Variants in NBAS observed in about 807,000 individuals in gnomAD.
The protein encoded by NBAS is NBAS subunit of NRZ tethering complex.
Under a neutral mutation model 302.5 loss-of-function variants are expected in NBAS, and 219 were observed. The ratio of observed to expected loss-of-function variants is 0.72; its 90% CI spans 0.65 to 0.81. The LOEUF is 0.81. Among genes scored for constraint, NBAS ranks in the 30% least tolerant of loss-of-function variants. The pLI is 0.00. For missense variants in NBAS, 2,932 were observed against 2,841.6 expected, an observed-to-expected ratio of 1.03 and a Z score of -0.72; for synonymous variants, 1,118 against 1,021.6, an observed-to-expected ratio of 1.09 and a Z score of -1.80.
the NBAS span, among the ~76,000 whole-genome samples, chr2:14,860,061 C>A: frequency 5.3e-5 from 8 of 151,964 alleles, no homozygotes; most frequent in Admixed American, 4.6e-4. Context: ...AGAAGACACA[C>A]AAATGGCCAA....
intron 40 of NBAS, 91 bp downstream of exon 40, chr2:15,308,125 T>A (rs1362099338): frequency 1.7e-5 from 26 of 1,573,556 alleles, no homozygotes; most frequent in Non-Finnish European, 2.2e-5. Flanking sequence ...ACATATGTAA[T>A]CAGTTCCTCC....
At chr2:14,808,437 A>G in the NBAS span, among the ~76,000 whole-genome samples, 1 of 152,144 alleles carries the variant, frequency 6.6e-6, no homozygotes, top group Admixed American at 6.5e-5. Flanking sequence ...AAATCATTGA[A>G]TCCTGGGGGC....
intron 38 of NBAS, among the ~76,000 whole-genome samples, chr2:15,318,706 T>G (rs1285404257): frequency 6.6e-6 from 1 of 152,176 alleles, no homozygotes; most frequent in Non-Finnish European, 1.5e-5. Flanking sequence ...CTAACTATCC[T>G]AAATATATAT....
At chr2:14,913,031 C>A in the NBAS span, among the ~76,000 whole-genome samples, 1 of 152,236 alleles carries the variant, frequency 6.6e-6, no homozygotes, top group Non-Finnish European at 1.5e-5. Flanking sequence ...AACATTAAAC[C>A]TTTTACAAAA....
At chr2:15,559,999 CATG>C (rs1386635341) in intron 1 of NBAS, among the ~76,000 whole-genome samples, 2 of 152,018 alleles carry the variant, frequency 1.3e-5, no homozygotes, top group Admixed American at 1.3e-4. Flanking sequence ...ATAAATTATT[CATG>C]ATAAGCACAA....
chr2:15,534,481 C>G, intron 9 of NBAS, 62 bp downstream of exon 9: 1 of 1,184,814 alleles, frequency 8.4e-7, no homozygotes, highest in Non-Finnish European at 1.3e-6. Context: ...ATAGTTTCTT[C>G]TATCTGAATC....
the NBAS span, among the ~76,000 whole-genome samples, chr2:15,148,216 A>G: frequency 2.6e-5 from 4 of 152,174 alleles, no homozygotes; most frequent in Non-Finnish European, 5.9e-5. Flanking sequence ...TTTGTTAGTA[A>G]ACTCTTATTG....
intron 21 of NBAS, among the ~76,000 whole-genome samples, chr2:15,452,587 C>CA (rs746981808): frequency 0.067 from 5,095 of 75,792 alleles, 320 homozygotes; most frequent in African/African-American, 0.2. Flanking sequence ...GACTCTGTCT[C>CA]AAAAAAAAAA....
chr2:15,353,727 G>A lies in NBAS; in HGVS notation c.3932-17C>T, dbSNP rs1558263833. The A allele has an allele frequency of 6.2e-7, 1 of 1,611,464 alleles. No individual in the cohort carries two copies. The highest frequency in any genetic ancestry group is 8.5e-7 in the Non-Finnish European group (1 of 1,178,760). On this transcript the variant is annotated splice_polypyrimidine_tract_variant and intron_variant, in intron 33 of 51. Transcript: ENST00000281513. Reference sequence around the variant, plus strand: ...TAGGATAACCTGCAAAATTGGCAAGGAAAAAAATGATTCCCAAAAGAAGAA... The same window carrying A: ...TAGGATAACCTGCAAAATTGGCAAGAAAAAAAATGATTCCCAAAAGAAGAA...
intron 31 of NBAS, among the ~76,000 whole-genome samples, chr2:15,371,192 A>G (rs1226166670): frequency 6.6e-6 from 1 of 152,182 alleles, no homozygotes; most frequent in Admixed American, 6.5e-5. Flanking sequence ...TCCCGCCAAC[A>G]GATGAAGAAG....
chr2:15,105,032 T>TA, the NBAS span, among the ~76,000 whole-genome samples: 49 of 148,342 alleles, frequency 3.3e-4, no homozygotes, highest in East Asian at 7.8e-4. Context: ...ACAGACTGGA[T>TA]AAAAAAAAAA....
intron 47 of NBAS, among the ~76,000 whole-genome samples, chr2:15,219,484 T>C (rs1008328740): frequency 7.3e-6 from 1 of 136,090 alleles, no homozygotes; most frequent in Non-Finnish European, 1.6e-5. Context: ...TTCCGCAGTG[T>C]TTGTGTCCCT....
rs191584385 is a variant in NBAS at position 15,502,436 on chromosome 2, C to T, written c.954+1709G>A. Among the ~76,000 whole-genome samples the T allele has an allele frequency of 3.3e-5, 5 of 152,324 alleles. No individual in the cohort carries two copies. The East Asian group carries it at 9.6e-4, about 29-fold the overall frequency. ...GTCGTTGTGAAAACATCATACATAA[C>T]AGTGCAGTTACACAAATCTAGATGG... On this transcript the variant is annotated intron_variant, in intron 11 of 51. Transcript: ENST00000281513.
At chr2:15,226,273 A>G (rs764483859) in intron 47 of NBAS, among the ~76,000 whole-genome samples, 1 of 152,202 alleles carries the variant, frequency 6.6e-6, no homozygotes, top group East Asian at 1.9e-4. Flanking sequence ...GAGGAATTAG[A>G]TGTTCATTAG....
chr2:15,417,448 T>C (rs1307651457), intron 24 of NBAS, 79 bp downstream of exon 24: 1 of 1,226,846 alleles, frequency 8.2e-7, no homozygotes, highest in Non-Finnish European at 1.2e-6. Flanking sequence ...CATTTCATCT[T>C]TGGTTTGAGA....
chr2:15,232,401 C>T, intron 47 of NBAS, 21 bp downstream of exon 47: 2 of 1,606,560 alleles, frequency 1.2e-6, no homozygotes, highest in Non-Finnish European at 1.7e-6. Context: ...AATGAAGATG[C>T]ACATACTGTT....
chr2:15,353,016 A>G (rs1450321901), intron 34 of NBAS, among the ~76,000 whole-genome samples: 1 of 152,106 alleles, frequency 6.6e-6, no homozygotes, highest in Non-Finnish European at 1.5e-5. Flanking sequence ...TACCAACTGT[A>G]AGAGAATGAC....
At chr2:15,487,262 C>G (rs186091713) in intron 12 of NBAS, among the ~76,000 whole-genome samples, 1 of 152,228 alleles carries the variant, frequency 6.6e-6, no homozygotes, top group African/African-American at 2.4e-5. Context: ...ATGAAAAACA[C>G]GAAGTATCTT....
rs149022971 is a variant in NBAS at position 15,504,241 on chromosome 2, A to C, written c.886-28T>G. On this transcript the variant is annotated intron_variant, in intron 10 of 51. Transcript: ENST00000281513. ...GCAAAATAAATGCATCATATGAAGA[A>C]AGATTACTGAAATGACTTATCGTTG... 9 of 1,521,776 alleles carry C rather than the reference A, an allele frequency of 5.9e-6. No homozygotes were observed. The East Asian group carries it at 2.0e-4, about 34-fold the overall frequency. The allele number at this position is 1,521,776 out of a possible 1,614,324, so 94.3% of individuals were successfully genotyped here.
Sources: gnomAD v4.1 joint callset for allele counts (sites outside exome capture counted in the v4.1 genomes callset) on GRCh38, gnomAD v4.1.1 for gene constraint, MANE v1.5 for transcripts, NCBI Gene and HGNC (gene_info 2026-07-23, HGNC 2026-07-21) for gene names.